The following ST7L variants were observed in gnomAD, a reference collection of about 807,000 sequenced individuals.
ST7L encodes suppression of tumorigenicity 7 like.
In ST7L, 57 loss-of-function variants were observed where a neutral mutation model predicts 72.5. The ratio of observed to expected loss-of-function variants is 0.79; its 90% CI spans 0.64 to 0.98. The LOEUF (loss-of-function observed/expected upper bound fraction) is 0.98. Among genes scored for constraint, ST7L ranks in the 50% least tolerant of loss-of-function variants. ST7L has a pLI of 0.00. For synonymous variants in ST7L, 221 were observed against 240.9 expected, an observed-to-expected ratio of 0.92 and a Z score of 0.77; for missense variants, 576 against 672.2, an observed-to-expected ratio of 0.86 and a Z score of 1.58.
intron 3 of ST7L, among the ~76,000 whole-genome samples, chr1:112,608,052 G>A (rs1237875032): frequency 6.6e-6 from 1 of 152,100 alleles, no homozygotes; most frequent in Non-Finnish European, 1.5e-5. Flanking sequence ...AGAGGGTCTT[G>A]CTCTGTCACC....
chr1:112,591,663 G>A, intron 5 of ST7L, 60 bp from the exon 6 acceptor site: 1 of 1,336,342 alleles, frequency 7.5e-7, no homozygotes, highest in Admixed American at 1.9e-5. Context: ...GCAAAATTAT[G>A]AAGAATAAGG....
At chr1:112,579,913 C>T (rs1351409523) in intron 9 of ST7L, among the ~76,000 whole-genome samples, 1 of 152,142 alleles carries the variant, frequency 6.6e-6, no homozygotes, top group African/African-American at 2.4e-5. Context: ...CCTAAGCTTG[C>T]TCATCATAAG....
chr1:112,553,566 A>C (rs888053940), intron 12 of ST7L, among the ~76,000 whole-genome samples: 5 of 152,234 alleles, frequency 3.3e-5, no homozygotes, highest in Non-Finnish European at 4.4e-5. Flanking sequence ...AATTTAAAGA[A>C]TCAATAAATC....
intron 2 of ST7L, among the ~76,000 whole-genome samples, chr1:112,613,610 C>T (rs766317990): frequency 6.6e-6 from 1 of 152,186 alleles, no homozygotes; most frequent in Non-Finnish European, 1.5e-5. Context: ...AAAAACCCAT[C>T]AACATTGCAA....
rs139805060 is a variant in ST7L, at chr1:112,587,419, T to C, written c.702-3293A>G. Among the ~76,000 whole-genome samples, 269 of 152,262 alleles carry C rather than the reference T, an allele frequency of 1.8e-3. 1 individual carries two copies. Among genetic ancestry groups the C allele is most frequent in the East Asian group, 0.013 (65 of 5,176 alleles). On this transcript the variant is annotated intron_variant, in intron 6 of 14. Coordinates refer to ENST00000358039, the MANE Select transcript of ST7L (RefSeq NM_017744.5). ...GAGTTCAAGACCAGCCTGGCCAACA[T>C]GGTGAAACCTTGTCTCTACTCTAAA...
intron 11 of ST7L, 76 bp from the exon 12 acceptor site, chr1:112,556,094 C>T: frequency 8.8e-7 from 1 of 1,133,050 alleles, no homozygotes; most frequent in Non-Finnish European, 1.1e-6. Flanking sequence ...TTCAAACACC[C>T]ACAAAAATGT....
downstream of ST7L, among the ~76,000 whole-genome samples, chr1:112,519,924 A>C (rs2101099631): frequency 7.3e-6 from 1 of 137,496 alleles, no homozygotes; most frequent in Admixed American, 8.0e-5. Flanking sequence ...CCCAGGCTAG[A>C]GTGCAGTGGT....
intron 6 of ST7L, among the ~76,000 whole-genome samples, chr1:112,590,933 T>C (rs1665615407): frequency 1.3e-5 from 2 of 149,450 alleles, no homozygotes; most frequent in South Asian, 4.3e-4. Context: ...AGTACCCTTT[T>C]TTTTTTTTTT....
At chr1:112,582,562 C>A (rs916616457) in intron 7 of ST7L, 90 bp from the exon 8 acceptor site, 6 of 678,464 alleles carry the variant, frequency 8.8e-6, no homozygotes, top group African/African-American at 1.8e-5. Flanking sequence ...TTATTTGCTT[C>A]CCTTGGAAGA....
At chr1:112,527,512 G>C (rs1363704252) in intron 14 of ST7L, 3 of 152,790 alleles carry the variant, frequency 2.0e-5, no homozygotes, top group East Asian at 1.9e-4. Context: ...ATAAAAGTAC[G>C]AGGTCATGGC....
chr1:112,598,642 GAGACACA>G (rs1666860136), intron 4 of ST7L, among the ~76,000 whole-genome samples: 2 of 151,112 alleles, frequency 1.3e-5, no homozygotes, highest in Non-Finnish European at 2.9e-5. Flanking sequence ...ATTGGGAATT[GAGACACA>G]AAATGAAGCC....
intron 11 of ST7L, among the ~76,000 whole-genome samples, chr1:112,564,817 C>CAAAAAAA (rs780771291): frequency 2.3e-5 from 1 of 43,126 alleles, no homozygotes; most frequent in Non-Finnish European, 6.0e-5. Context: ...AACTGCATCT[C>CAAAAAAA]AAAAAAAAAA....
intron 2 of ST7L, among the ~76,000 whole-genome samples, chr1:112,614,652 A>T (rs1216929262): frequency 6.6e-6 from 1 of 151,946 alleles, no homozygotes; most frequent in Non-Finnish European, 1.5e-5. Flanking sequence ...ACCTAGAGAT[A>T]AAAAAAAGAA....
intron 6 of ST7L, among the ~76,000 whole-genome samples, chr1:112,584,661 T>C (rs1406816392): frequency 2.0e-5 from 3 of 152,076 alleles, no homozygotes; most frequent in African/African-American, 7.2e-5. Context: ...CTAATTTTTG[T>C]ATTTTTAGTA....
intron 6 of ST7L, among the ~76,000 whole-genome samples, chr1:112,587,991 T>C (rs1390640067): frequency 6.6e-6 from 1 of 152,232 alleles, no homozygotes; most frequent in Non-Finnish European, 1.5e-5. Context: ...CTTTATAGTT[T>C]TCAGCATCCA....
At chr1:112,532,039 A>C (rs1028808085) in intron 14 of ST7L, among the ~76,000 whole-genome samples, 9 of 152,182 alleles carry the variant, frequency 5.9e-5, no homozygotes, top group African/African-American at 2.2e-4. Flanking sequence ...CCAAGGGCAA[A>C]TTAGTAAGAA....
intron 13 of ST7L, among the ~76,000 whole-genome samples, chr1:112,542,663 G>C (rs992344463): frequency 2.6e-5 from 4 of 151,948 alleles, no homozygotes; most frequent in Admixed American, 6.6e-5. Context: ...GATGAGATGG[G>C]AAAATCACTG....
intron 11 of ST7L, among the ~76,000 whole-genome samples, chr1:112,562,953 G>A (rs529601348): frequency 1.2e-4 from 18 of 152,184 alleles, no homozygotes; most frequent in South Asian, 6.2e-4. Context: ...TTAGAAATGC[G>A]TAGAAAATGT....
intron 3 of ST7L, among the ~76,000 whole-genome samples, chr1:112,608,948 G>T (rs1296386937): frequency 1.1e-4 from 17 of 152,166 alleles, no homozygotes; most frequent in Non-Finnish European, 7.3e-5. Flanking sequence ...AACAAATGAG[G>T]CATTTGGAAT....
Sources: gnomAD v4.1 joint callset for allele counts (sites outside exome capture counted in the v4.1 genomes callset) on GRCh38, gnomAD v4.1.1 for gene constraint, MANE v1.5 for transcripts, NCBI Gene and HGNC (gene_info 2026-07-23, HGNC 2026-07-21) for gene names.